The following SLC44A5 variants were observed in gnomAD, a reference collection of about 807,000 sequenced individuals.
The protein encoded by SLC44A5 is solute carrier family 44 member 5, also known as choline transporter-like protein 5.
In SLC44A5, 57 loss-of-function variants were observed where a neutral mutation model predicts 101.8. The ratio of observed to expected loss-of-function variants is 0.56; its 90% CI spans 0.45 to 0.70. The LOEUF (loss-of-function observed/expected upper bound fraction) is 0.70, where lower values mean the gene tolerates loss of function less well. Ranked by LOEUF, SLC44A5 falls within the 30% of genes least tolerant of loss-of-function variation. The pLI, the probability that SLC44A5 is intolerant of heterozygous loss-of-function variation, is 0.00. For missense variants in SLC44A5, 737 were observed against 853.1 expected, an observed-to-expected ratio of 0.86 and a Z score of 1.70; for synonymous variants, 281 against 290.9, an observed-to-expected ratio of 0.97 and a Z score of 0.35.
intron 2 of SLC44A5, among the ~76,000 whole-genome samples, chr1:75,473,046 T>G (rs1311129390): frequency 6.6e-6 from 1 of 152,234 alleles, no homozygotes; most frequent in African/African-American, 2.4e-5. Flanking sequence ...ATACTAGCTG[T>G]AATTCAGTGT....
chr1:75,704,818 CTTACA>C, the SLC44A5 span, among the ~76,000 whole-genome samples: 1 of 152,216 alleles, frequency 6.6e-6, no homozygotes, highest in East Asian at 1.9e-4. Context: ...TCTATTTCTT[CTTACA>C]TTACATAGTC....
At chr1:75,388,274 C>A (rs111226767) in intron 3 of SLC44A5, among the ~76,000 whole-genome samples, 12,696 of 144,534 alleles carry the variant, frequency 0.088, 706 homozygotes, top group Admixed American at 0.19. Context: ...AAAGAAAATT[C>A]ATTACCACTA....
At chr1:75,533,923 C>A (rs182014524) in intron 2 of SLC44A5, among the ~76,000 whole-genome samples, 6 of 152,212 alleles carry the variant, frequency 3.9e-5, no homozygotes, top group Admixed American at 2.6e-4. Flanking sequence ...ATGAAGAGAC[C>A]ATTTCCTGAA....
intron 5 of SLC44A5, among the ~76,000 whole-genome samples, chr1:75,285,540 G>A (rs1652969930): frequency 6.6e-6 from 1 of 151,648 alleles, no homozygotes; most frequent in African/African-American, 2.4e-5. Context: ...TGTTTCTCTG[G>A]TTCCTTGAGG....
At chr1:75,614,496 C>T (rs1013335753), upstream of SLC44A5, among the ~76,000 whole-genome samples, 12 of 152,096 alleles carry the variant, frequency 7.9e-5, no homozygotes, top group African/African-American at 2.9e-4. Flanking sequence ...TTGAGTACTC[C>T]GGAGCAATTA....
chr1:75,325,028 A>G (rs542597563), intron 4 of SLC44A5, among the ~76,000 whole-genome samples: 15 of 152,296 alleles, frequency 9.8e-5, no homozygotes, highest in Middle Eastern at 6.8e-3. Context: ...AGCTTTAAGG[A>G]ACTCACAATC....
chr1:75,258,420 C>G (rs907885015), intron 6 of SLC44A5, among the ~76,000 whole-genome samples: 1 of 49,128 alleles, frequency 2.0e-5, no homozygotes, highest in Admixed American at 2.7e-4. Context: ...GAAGTTGGAA[C>G]TGGGTGGAGC....
At chr1:75,598,403 A>G (rs1320222955) in intron 1 of SLC44A5, among the ~76,000 whole-genome samples, 1 of 152,216 alleles carries the variant, frequency 6.6e-6, no homozygotes, top group East Asian at 1.9e-4. Context: ...ATAACATTTG[A>G]CCCAGCAATC....
At chr1:75,360,109 C>T (rs35898530) in intron 3 of SLC44A5, among the ~76,000 whole-genome samples, 1,768 of 152,198 alleles carry the variant, frequency 0.012, 14 homozygotes, top group Non-Finnish European at 0.015. Context: ...TTTTCCCACT[C>T]GCAAATTGTC....
chr1:75,576,407 C>T lies in SLC44A5; in HGVS notation c.-70+34633G>A, dbSNP rs1570653849. On this transcript the variant is annotated intron_variant, in intron 1 of 23. Transcript: ENST00000370859. The stretch of plus-strand genomic sequence containing the variant: ...TCCACTCACTGCAAGCTCCACCTCC[C>T]GGGTTCGCACCATTCTCCTGCCTCA... 4.6e-5 allele frequency among the ~76,000 whole-genome samples: 7 copies of T among 152,134 alleles called. No individual in the cohort carries two copies. The South Asian group carries it at 1.2e-3, about 27-fold the overall frequency.
chr1:75,443,285 A>C (rs201438775), intron 2 of SLC44A5, among the ~76,000 whole-genome samples: 1 of 152,056 alleles, frequency 6.6e-6, no homozygotes, highest in East Asian at 1.9e-4. Context: ...AAAAAAGTAA[A>C]TAAATTTAAA....
chr1:75,527,717 CA>C (rs35014234), intron 2 of SLC44A5, among the ~76,000 whole-genome samples: 144,148 of 149,746 alleles, frequency 0.96, 69,365 homozygotes, highest in Middle Eastern at 0.99. Context: ...AGCACTGAGG[CA>C]AAAAAAAAAA....
intron 2 of SLC44A5, among the ~76,000 whole-genome samples, chr1:75,532,609 T>G (rs571938040): frequency 6.6e-5 from 10 of 152,338 alleles, no homozygotes; most frequent in Non-Finnish European, 1.2e-4. Flanking sequence ...ACTACATATT[T>G]AAATTGTTGC....
the SLC44A5 span, among the ~76,000 whole-genome samples, chr1:75,683,643 T>G: frequency 6.6e-6 from 1 of 152,104 alleles, no homozygotes; most frequent in Non-Finnish European, 1.5e-5. Context: ...CATTGGGAGA[T>G]ATACCTAATG....
intron 12 of SLC44A5, among the ~76,000 whole-genome samples, chr1:75,230,151 A>G (rs1336053717): frequency 2.0e-5 from 3 of 152,118 alleles, no homozygotes; most frequent in African/African-American, 7.2e-5. Flanking sequence ...AAAGTTCTAT[A>G]TGGCTCTTCT....
intron 2 of SLC44A5, among the ~76,000 whole-genome samples, chr1:75,456,265 A>G (rs758196162): frequency 2.0e-5 from 3 of 152,180 alleles, no homozygotes; most frequent in Non-Finnish European, 2.9e-5. Context: ...CAGAAAACCA[A>G]ACACTGCATG....
At position 75,274,969 on chromosome 1, in the gene SLC44A5, G is replaced by A. The variant is rs946042811; in HGVS notation, c.249C>T (p.Gly83=). 1 of 1,612,238 alleles carries A rather than the reference G, an allele frequency of 6.2e-7. No individual in the cohort carries two copies. ...DSQGHFCGQK[G]TPNENKTILF... ...GTGGCCATACTCACTCATTGGGAGT[G>A]CCCTTCTGGCCACAAAAGTGGCCCT... The change falls in exon 6 of 24, where the codon GGC becomes GGT. Residue 83 remains glycine, a synonymous_variant. Coordinates refer to ENST00000370859, the MANE Select transcript of SLC44A5 (RefSeq NM_001130058.2).
intron 1 of SLC44A5, among the ~76,000 whole-genome samples, chr1:75,610,452 T>C (rs1242994518): frequency 6.6e-6 from 1 of 152,046 alleles, no homozygotes; most frequent in Non-Finnish European, 1.5e-5. Flanking sequence ...GAACCTCTGC[T>C]TCAAAAAATA....
chr1:75,485,273 T>C (rs1668092852), intron 2 of SLC44A5, among the ~76,000 whole-genome samples: 1 of 152,236 alleles, frequency 6.6e-6, no homozygotes, highest in African/African-American at 2.4e-5. Flanking sequence ...CACACATGAT[T>C]GTATGCTTCA....
Sources: gnomAD v4.1 joint callset for allele counts (sites outside exome capture counted in the v4.1 genomes callset) on GRCh38, gnomAD v4.1.1 for gene constraint, MANE v1.5 for transcripts, NCBI Gene and HGNC (gene_info 2026-07-23, HGNC 2026-07-21) for gene names.